CACNA2D1: variants seen among roughly 807,000 people sequenced by gnomAD.
CACNA2D1 encodes voltage-dependent calcium channel subunit alpha-2/delta-1.
In CACNA2D1, 53 loss-of-function variants were observed where a neutral mutation model predicts 171.5. That is an observed-to-expected ratio of 0.31 (90% CI 0.25 to 0.39). The LOEUF (loss-of-function observed/expected upper bound fraction) is 0.39. Ranked by LOEUF, CACNA2D1 falls within the 10% of genes least tolerant of loss-of-function variation. The pLI is 1.00. For missense variants in CACNA2D1, 903 were observed against 1,299.8 expected (o/e 0.69, Z 4.69); for synonymous variants, 442 against 443.1 (o/e 1.00, Z 0.03).
At chr7:82,036,208 C>T (rs1803270883) in intron 11 of CACNA2D1, among the ~76,000 whole-genome samples, 1 of 152,156 alleles carries the variant, frequency 6.6e-6, no homozygotes, top group Non-Finnish European at 1.5e-5. Context: ...CTCCTCACTT[C>T]TATTCCCACA....
intron 3 of CACNA2D1, among the ~76,000 whole-genome samples, chr7:82,318,990 A>G (rs571906403): frequency 2.0e-5 from 3 of 152,344 alleles, no homozygotes; most frequent in African/African-American, 7.2e-5. Flanking sequence ...AGTGCAAGGC[A>G]GAGTGAGGAG....
chr7:81,950,879 A>T (rs1489539832), intron 38 of CACNA2D1, among the ~76,000 whole-genome samples: 1 of 152,094 alleles, frequency 6.6e-6, no homozygotes, highest in Admixed American at 6.6e-5. Context: ...TATAATTCCC[A>T]AGAATTATGA....
chr7:82,124,171 A>G (rs1242435738), intron 5 of CACNA2D1, among the ~76,000 whole-genome samples: 3 of 152,200 alleles, frequency 2.0e-5, no homozygotes, highest in Non-Finnish European at 2.9e-5. Flanking sequence ...AAATGTTAGA[A>G]AAGAAACCTA....
intron 18 of CACNA2D1, among the ~76,000 whole-genome samples, chr7:81,999,098 G>A (rs1584348852): frequency 2.0e-5 from 3 of 152,202 alleles, no homozygotes; most frequent in East Asian, 1.9e-4. Context: ...ATAATGCATA[G>A]CATGACCAGA....
intron 12 of CACNA2D1, among the ~76,000 whole-genome samples, chr7:82,024,136 C>T (rs1207192448): frequency 6.6e-6 from 1 of 151,580 alleles, no homozygotes; most frequent in Non-Finnish European, 1.5e-5. Context: ...TCTTCAAGAT[C>T]CTAACTTCAG....
chr7:82,136,540 TA>T (rs1347032663), intron 5 of CACNA2D1, 94 bp downstream of exon 5: 25 of 974,980 alleles, frequency 2.6e-5, no homozygotes, highest in Non-Finnish European at 3.4e-5. Context: ...AACATTGTCT[TA>T]AAAACTAAAA....
intron 1 of CACNA2D1, among the ~76,000 whole-genome samples, chr7:82,405,318 T>C (rs10258808): frequency 0.2 from 29,863 of 152,140 alleles, 3,923 homozygotes; most frequent in African/African-American, 0.37. Context: ...CTTAGAATGG[T>C]CTTTTACTAA....
intron 10 of CACNA2D1, among the ~76,000 whole-genome samples, chr7:82,056,845 C>A (rs1206142291): frequency 6.6e-6 from 1 of 152,128 alleles, no homozygotes; most frequent in African/African-American, 2.4e-5. Flanking sequence ...TTCACAAATA[C>A]TGACTGATTT....
chr7:82,047,206 A>G (rs1330146036), intron 10 of CACNA2D1, among the ~76,000 whole-genome samples: 3 of 152,146 alleles, frequency 2.0e-5, no homozygotes, highest in Admixed American at 6.6e-5. Context: ...TAACCTTATC[A>G]GTATTATTTC....
chr7:82,334,789 T>C (rs536175467), intron 3 of CACNA2D1, among the ~76,000 whole-genome samples: 1 of 152,184 alleles, frequency 6.6e-6, no homozygotes, highest in East Asian at 1.9e-4. Context: ...ATATTCTGGG[T>C]TTTATGTTGT....
intron 4 of CACNA2D1, among the ~76,000 whole-genome samples, chr7:82,151,799 A>C (rs1793881212): frequency 1.3e-5 from 2 of 152,124 alleles, no homozygotes; most frequent in Admixed American, 6.5e-5. Context: ...AGCACGTAAG[A>C]AACTCAGTAT....
At chr7:82,255,777 A>G (rs1045792034) in intron 3 of CACNA2D1, among the ~76,000 whole-genome samples, 2 of 152,200 alleles carry the variant, frequency 1.3e-5, no homozygotes, top group African/African-American at 2.4e-5. Flanking sequence ...GCAATCTTCT[A>G]TGATGTCCCT....
chr7:82,349,047 T>C (rs941848424), intron 2 of CACNA2D1, among the ~76,000 whole-genome samples: 1 of 152,130 alleles, frequency 6.6e-6, no homozygotes, highest in South Asian at 2.1e-4. Flanking sequence ...AAAATCGTCT[T>C]TTATAGAGTC....
chr7:82,295,344 T>TTC (rs992215917), intron 3 of CACNA2D1, among the ~76,000 whole-genome samples: 2 of 150,168 alleles, frequency 1.3e-5, no homozygotes, highest in African/African-American at 4.9e-5. Flanking sequence ...AGCTTGTATT[T>TTC]TTTTTTTTTT....
intron 1 of CACNA2D1, among the ~76,000 whole-genome samples, chr7:82,401,209 T>C (rs1826367808): frequency 6.6e-6 from 1 of 152,298 alleles, no homozygotes; most frequent in Admixed American, 6.5e-5. Context: ...TTACTGGGTA[T>C]ATACCCAAAG....
At chr7:82,146,569 GT>G (rs1272314188) in intron 4 of CACNA2D1, among the ~76,000 whole-genome samples, 2 of 148,280 alleles carry the variant, frequency 1.3e-5, no homozygotes, top group African/African-American at 5.0e-5. Context: ...AGCTACTACA[GT>G]TTGAGTAGAG....
chr7:82,327,944 T>C (rs947188291), intron 3 of CACNA2D1, among the ~76,000 whole-genome samples: 8 of 152,140 alleles, frequency 5.3e-5, no homozygotes, highest in African/African-American at 1.9e-4. Context: ...ACAGTGTATT[T>C]CTACCCTCTT....
At chr7:82,221,401 T>A (rs1446321743) in intron 3 of CACNA2D1, among the ~76,000 whole-genome samples, 1 of 152,158 alleles carries the variant, frequency 6.6e-6, no homozygotes, top group Non-Finnish European at 1.5e-5. Flanking sequence ...TCCAAACACA[T>A]TTTCTACAGT....
chr7:82,361,854 G>T (rs1027330292), intron 1 of CACNA2D1, among the ~76,000 whole-genome samples: 1 of 151,948 alleles, frequency 6.6e-6, no homozygotes, highest in African/African-American at 2.4e-5. Context: ...CTCTCTTATG[G>T]GGTAGCAAAT....
Sources: gnomAD v4.1 joint callset for allele counts (sites outside exome capture counted in the v4.1 genomes callset) on GRCh38, gnomAD v4.1.1 for gene constraint, MANE v1.5 for transcripts, NCBI Gene and HGNC (gene_info 2026-07-23, HGNC 2026-07-21) for gene names.